Variants in ARSL observed in about 807,000 individuals in gnomAD.
ARSL encodes the protein arylsulfatase L.
A neutral mutation model predicts 31.1 loss-of-function variants in ARSL; 4 were observed. The ratio of observed to expected loss-of-function variants is 0.13; its 90% CI spans 0.06 to 0.29. The LOEUF is 0.29. Ranked by LOEUF, ARSL falls within the 10% of genes least tolerant of loss-of-function variation. ARSL has a pLI of 1.00. For synonymous variants in ARSL, 198 were observed against 209.9 expected, an observed-to-expected ratio of 0.94 and a Z score of 0.49; for missense variants, 312 against 497.8, an observed-to-expected ratio of 0.63 and a Z score of 3.55.
chrX:2,935,682 CTTTTCTTTTCTTTTT>C (rs1438558039), intron 10 of ARSL, among the ~76,000 whole-genome samples: 2 of 96,680 alleles, frequency 2.1e-5, no homozygotes, highest in African/African-American at 7.5e-5. Context: ...CTTTTCTTTT[CTTTTCTTTTCTTTTT>C]TTTTTTTTTT....
rs753447542 is a variant in ARSL, at chrX:2,949,404, C to T, written c.754G>A (p.Asp252Asn). ...GTGTGGTTTCTCATCAGAAAGCAATCGGCATGGACAATCAGAGCACCCACA... is the reference window on the plus strand; with the variant it reads ...GTGTGGTTTCTCATCAGAAAGCAATTGGCATGGACAATCAGAGCACCCACA... ...YFVGALIVHA[D>N]CFLMRNHTIT... The change falls in exon 6 of 11, where the codon GAT becomes AAT. Residue 252 changes from aspartate (D) to asparagine (N), a missense_variant. Physicochemically the swap from Asp to Asn is conservative, Grantham distance 23. Coordinates refer to ENST00000381134, the MANE Select transcript of ARSL (RefSeq NM_000047.3). 5.0e-6 allele frequency: 6 copies of T among 1,210,942 alleles called. No homozygotes were observed. Among genetic ancestry groups the T allele is most frequent in the Non-Finnish European group, 5.6e-6 (5 of 895,383 alleles).
Position 2,949,783 on chromosome X carries a change from C to T in ARSL, c.431-56G>A. 13 of 1,135,355 alleles carry T rather than the reference C, an allele frequency of 1.1e-5. 1 individual carries two copies. In the South Asian group the frequency reaches 2.3e-4, roughly 20 times the overall value. 93.6% of individuals were successfully genotyped at this position (1,135,355 alleles called of 1,213,427 possible). A position where few individuals can be genotyped will look rare whatever the true frequency, so the allele number is the denominator to read the frequency against. Reference sequence around the variant, plus strand: ...AGCATCTGAGCATAACTGGACATGTCGATATTGACTGTTTGTCACATTCCT... The same window carrying T: ...AGCATCTGAGCATAACTGGACATGTTGATATTGACTGTTTGTCACATTCCT... On this transcript the variant is annotated intron_variant, in intron 5 of 10. Transcript: ENST00000381134.
rs762331693 is a variant in ARSL at position 2,943,099 on chromosome X, G to A, written c.1092C>T (p.Asn364=). The change falls in exon 8 of 11, where the codon AAC becomes AAT. Residue 364 remains asparagine (N), a synonymous_variant. Coordinates refer to ENST00000381134, the MANE Select transcript of ARSL (RefSeq NM_000047.3). ...HGGSLENQLG[N]TQYGGWNGIY... Reference sequence around the variant, plus strand: ...TTCCATTCCAGCCACCATACTGGGTGTTTCCAAGTTGATTCTCTAGGGAAC... The same window carrying A: ...TTCCATTCCAGCCACCATACTGGGTATTTCCAAGTTGATTCTCTAGGGAAC... The A allele has an allele frequency of 4.1e-6, 5 of 1,211,132 alleles. No individual in the cohort carries two copies. In the South Asian group the frequency reaches 8.8e-5, roughly 21 times the overall value.
intron 1 of ARSL, among the ~76,000 whole-genome samples, chrX:2,961,866 T>G (rs1255649583): frequency 2.7e-5 from 3 of 109,555 alleles, no homozygotes; most frequent in Non-Finnish European, 5.7e-5. Flanking sequence ...GGGTTTTTTT[T>G]TTTTTTTTTT....
chrX:2,943,392 AT>A (rs2089308717), intron 7 of ARSL, among the ~76,000 whole-genome samples, 193 bp from the exon 8 acceptor site: 1 of 111,179 alleles, frequency 9.0e-6, no homozygotes, highest in Non-Finnish European at 1.9e-5. Context: ...TATGCACCCC[AT>A]CCTTTGGTCA....
intron 1 of ARSL, among the ~76,000 whole-genome samples, chrX:2,962,593 T>TGGGA (rs922632144): frequency 1.8e-5 from 2 of 110,396 alleles, no homozygotes; most frequent in African/African-American, 6.6e-5. Flanking sequence ...AGGGTGTGAG[T>TGGGA]GGGAGAGAAG....
chrX:2,949,014 C>T (rs186447788), intron 6 of ARSL, among the ~76,000 whole-genome samples: 1 of 110,932 alleles, frequency 9.0e-6, no homozygotes, highest in East Asian at 2.8e-4. Flanking sequence ...CCTCCACCTC[C>T]CAGGTTCAAG....
chrX:2,962,984 G>C (rs778462514), intron 1 of ARSL, among the ~76,000 whole-genome samples: 1 of 111,722 alleles, frequency 9.0e-6, no homozygotes, highest in African/African-American at 3.2e-5. Context: ...GGCCTTTCCA[G>C]ACCGAATCAA....
chrX:2,964,149 C>T, intron 1 of ARSL, 75 bp downstream of exon 1: 4 of 752,929 alleles, frequency 5.3e-6, no homozygotes, highest in Non-Finnish European at 6.3e-6. Flanking sequence ...GAACGGGGAG[C>T]TCTTTGTTCA....
At chrX:2,939,469 A>G (rs1254118560) in intron 8 of ARSL, among the ~76,000 whole-genome samples, 2 of 112,385 alleles carry the variant, frequency 1.8e-5, no homozygotes, top group Non-Finnish European at 3.8e-5. Flanking sequence ...GATTGGGTAG[A>G]GGATACATTA....
chrX:2,964,721 C>T (rs1010175342), upstream of ARSL: 1 of 113,058 alleles, frequency 8.8e-6, no homozygotes, highest in Non-Finnish European at 1.8e-5. Context: ...GTAATCCCAG[C>T]GCTTTGGGAG....
At position 2,945,214 on chromosome X, in the gene ARSL, T is replaced by G. The variant is rs910763961; in HGVS notation, c.991+784A>C. Among the ~76,000 whole-genome samples the G allele has an allele frequency of 2.9e-4, 32 of 110,211 alleles. 1 individual carries two copies. The highest frequency in any genetic ancestry group is 1.4e-3 in the East Asian group (5 of 3,495). Reference sequence around the variant, plus strand: ...GAGGGAACAGCAGGTGTGGAAGCCCTGACAGGGGACAAATGTGAAAGATAC... The same window carrying G: ...GAGGGAACAGCAGGTGTGGAAGCCCGGACAGGGGACAAATGTGAAAGATAC... On this transcript the variant is annotated intron_variant, in intron 7 of 10. Coordinates refer to ENST00000381134, the MANE Select transcript of ARSL (RefSeq NM_000047.3).
rs183018622 is a variant in ARSL, at chrX:2,936,767, G to A, written c.1386C>T (p.His462=). The change falls in exon 10 of 11, where the codon CAC becomes CAT. Residue 462 remains histidine (H), a synonymous_variant. Transcript: ENST00000381134. ...TGTCCCGTTGATGCCACCTGGCTGCGTGCAGAAACCTCTCACAATAATGCA... is the reference window on the plus strand; with the variant it reads ...TGTCCCGTTGATGCCACCTGGCTGCATGCAGAAACCTCTCACAATAATGCA... ...FLMHYCERFL[H]AARWHQRDRG... 1.6e-4 allele frequency: 191 copies of A among 1,209,531 alleles called. No individual in the cohort carries two copies. In the East Asian group the frequency reaches 5.1e-3, roughly 32 times the overall value.
intron 7 of ARSL, among the ~76,000 whole-genome samples, chrX:2,943,966 C>G (rs1337920660): frequency 9.2e-6 from 1 of 108,609 alleles, no homozygotes; most frequent in Non-Finnish European, 1.9e-5. Flanking sequence ...GCTCTTTGAG[C>G]CTATGAGTTT....
intron 5 of ARSL, among the ~76,000 whole-genome samples, chrX:2,950,578 T>A (rs2089447917): frequency 9.0e-6 from 1 of 111,126 alleles, no homozygotes; most frequent in Non-Finnish European, 1.9e-5. Flanking sequence ...TCTCACAAGA[T>A]CTGATGGTTT....
At chrX:2,960,454 A>C (rs766323145) in intron 1 of ARSL, 34 bp from the exon 2 acceptor site, 1 of 1,195,436 alleles carries the variant, frequency 8.4e-7, no homozygotes, top group Non-Finnish European at 1.1e-6. Context: ...AATCACATTG[A>C]CAGCAGAAAT....
chrX:2,959,742 T>G, intron 2 of ARSL: 1 of 1,133,154 alleles, frequency 8.8e-7, no homozygotes, highest in Non-Finnish European at 1.2e-6. Flanking sequence ...ATCAGTGCAT[T>G]CTGAGAAAGC....
Position 2,957,152 on chromosome X carries a change from C to T in ARSL, c.185+1122G>A, listed in dbSNP as rs958414890. Among the ~76,000 whole-genome samples, 7 of 106,941 alleles carry T rather than the reference C, an allele frequency of 6.5e-5. No individual in the cohort carries two copies. In the East Asian group the frequency reaches 9.2e-4, roughly 14 times the overall value. 92.9% of individuals were successfully genotyped at this position (106,941 alleles called of 115,157 possible). On this transcript the variant is annotated intron_variant, in intron 3 of 10. Coordinates refer to ENST00000381134, the MANE Select transcript of ARSL (RefSeq NM_000047.3). The stretch of plus-strand genomic sequence containing the variant: ...AGGAGAATGGCGTGGACCCGGGAGA[C>T]GGAGCTGGCAGTGAGCCAAGATCAT...
At chrX:2,943,967 C>G (rs2089321011) in intron 7 of ARSL, among the ~76,000 whole-genome samples, 1 of 109,085 alleles carries the variant, frequency 9.2e-6, no homozygotes, top group Non-Finnish European at 1.9e-5. Context: ...CTCTTTGAGC[C>G]TATGAGTTTG....
Sources: allele counts gnomAD v4.1 joint callset (sites outside exome capture counted in the v4.1 genomes callset), GRCh38; gene constraint gnomAD v4.1.1; transcripts MANE v1.5; gene names NCBI Gene and HGNC (gene_info 2026-07-23, HGNC 2026-07-21).